The following BST1 variants were observed in gnomAD, a reference collection of about 807,000 sequenced individuals.
BST1 encodes ADP-ribosyl cyclase/cyclic ADP-ribose hydrolase 2.
In BST1, 49 loss-of-function variants were observed where a neutral mutation model predicts 40.6. That is an observed-to-expected ratio of 1.21 (90% CI 0.96 to 1.53). The LOEUF (loss-of-function observed/expected upper bound fraction) is 1.53, where lower values mean the gene tolerates loss of function less well. Among genes scored for constraint, BST1 ranks in the 40% most tolerant of loss-of-function variants. The pLI is 0.00. For missense variants in BST1, 423 were observed against 395.9 expected (o/e 1.07, Z -0.58); for synonymous variants, 157 against 159.3 (o/e 0.99, Z 0.11).
chr4:15,756,753 C>A, the BST1 span, among the ~76,000 whole-genome samples: 3 of 152,094 alleles, frequency 2.0e-5, no homozygotes, highest in Non-Finnish European at 4.4e-5. Context: ...GAGTGCTATT[C>A]ACATTTTTCT....
chr4:15,716,143 C>T (rs778297948), intron 6 of BST1, among the ~76,000 whole-genome samples: 9 of 152,128 alleles, frequency 5.9e-5, no homozygotes, highest in Non-Finnish European at 1.3e-4. Flanking sequence ...AAAGCCCTCA[C>T]CACTGGTTCT....
downstream of BST1, among the ~76,000 whole-genome samples, chr4:15,739,980 G>GGA (rs1577606428): frequency 6.6e-6 from 1 of 151,378 alleles, no homozygotes; most frequent in Non-Finnish European, 1.5e-5. Flanking sequence ...AGGGAAGAAG[G>GGA]GAGAGAGAGA....
At chr4:15,704,745 C>T (rs963489493) in intron 1 of BST1, among the ~76,000 whole-genome samples, 2 of 152,122 alleles carry the variant, frequency 1.3e-5, no homozygotes, top group African/African-American at 2.4e-5. Flanking sequence ...TTCCTTGAGT[C>T]CAGTCCTTCC....
At chr4:15,756,224 C>G in the BST1 span, among the ~76,000 whole-genome samples, 1 of 152,144 alleles carries the variant, frequency 6.6e-6, no homozygotes, top group African/African-American at 2.4e-5. Flanking sequence ...AAGCTCTTCT[C>G]ATAAAAGAAA....
chr4:15,725,719 G>A (rs78999436), intron 8 of BST1, among the ~76,000 whole-genome samples: 4,664 of 152,170 alleles, frequency 0.031, 244 homozygotes, highest in East Asian at 0.26. Flanking sequence ...TGGAAACACC[G>A]TTTTGGCAGT....
the BST1 span, among the ~76,000 whole-genome samples, chr4:15,763,684 G>T: frequency 2.6e-5 from 4 of 151,988 alleles, no homozygotes; most frequent in Admixed American, 6.5e-5. Context: ...ACATTCTTCA[G>T]TTGGTAAATG....
At chr4:15,718,831 T>G in intron 6 of BST1, 76 bp from the exon 7 acceptor site, 2 of 1,277,378 alleles carry the variant, frequency 1.6e-6, no homozygotes, top group Non-Finnish European at 2.2e-6. Context: ...CAAAAGAAAT[T>G]ATGTTTAACC....
the BST1 span, among the ~76,000 whole-genome samples, chr4:15,744,969 T>G: frequency 3.3e-5 from 5 of 152,228 alleles, no homozygotes; most frequent in Admixed American, 2.6e-4. Context: ...TTTTTTCAGA[T>G]TTATTCCAAT....
At chr4:15,723,651 T>C in intron 8 of BST1, 2 of 957,002 alleles carry the variant, frequency 2.1e-6, no homozygotes, top group Non-Finnish European at 2.5e-6. Context: ...ATATAATCCT[T>C]GATTATATAC....
chr4:15,711,551 A>T (rs1720205438), intron 3 of BST1, among the ~76,000 whole-genome samples: 1 of 152,200 alleles, frequency 6.6e-6, no homozygotes, highest in Non-Finnish European at 1.5e-5. Flanking sequence ...CTCACTCACT[A>T]GCCAGCTATT....
chr4:15,709,860 A>C (rs1294456455), intron 3 of BST1, among the ~76,000 whole-genome samples: 1 of 152,246 alleles, frequency 6.6e-6, no homozygotes, highest in Non-Finnish European at 1.5e-5. Context: ...ATAAAAACAC[A>C]TATACACAAT....
At chr4:15,736,247 T>C (rs1324638618), downstream of BST1, 20 of 621,326 alleles carry the variant, frequency 3.2e-5, 1 homozygote, top group South Asian at 3.7e-4. Context: ...TACGCTAGGG[T>C]CCTGAGTGCA....
downstream of BST1, chr4:15,736,110 C>G (rs1721553291): frequency 7.8e-7 from 1 of 1,288,710 alleles, no homozygotes; most frequent in Non-Finnish European, 1.0e-6. Context: ...CATACAACCG[C>G]CGGTTCTAGC....
chr4:15,717,579 C>T (rs1240108677), intron 6 of BST1, among the ~76,000 whole-genome samples: 1 of 152,128 alleles, frequency 6.6e-6, no homozygotes, highest in Non-Finnish European at 1.5e-5. Flanking sequence ...CTATAAAAGC[C>T]TTAAAATGGA....
At chr4:15,764,830 C>T in the BST1 span, among the ~76,000 whole-genome samples, 1 of 151,266 alleles carries the variant, frequency 6.6e-6, no homozygotes, top group Non-Finnish European at 1.5e-5. Context: ...GGCTCAATGA[C>T]TGCTCATGGC....
At chr4:15,704,499 C>T (rs1209318634) in intron 1 of BST1, among the ~76,000 whole-genome samples, 2 of 141,756 alleles carry the variant, frequency 1.4e-5, no homozygotes, top group Non-Finnish European at 3.0e-5. Context: ...TGTGTGTAGT[C>T]TAGAGGTGAC....
chr4:15,726,899 C>T (rs928480727), intron 8 of BST1, among the ~76,000 whole-genome samples: 2 of 139,704 alleles, frequency 1.4e-5, no homozygotes, highest in Admixed American at 1.5e-4. Context: ...GAGATGGAGT[C>T]TCGCTCTGTT....
chr4:15,733,941 A>C (rs1184168787), downstream of BST1, among the ~76,000 whole-genome samples: 1 of 152,250 alleles, frequency 6.6e-6, no homozygotes, highest in South Asian at 2.1e-4. Context: ...AGTAAAAGCC[A>C]TGTTTACCAA....
At chr4:15,743,661 G>A in the BST1 span, 1 of 203,692 alleles carries the variant, frequency 4.9e-6, no homozygotes, top group Non-Finnish European at 1.0e-5. Flanking sequence ...CAGGGAAACA[G>A]TCTGTCTTCT....
Sources: gnomAD v4.1 joint callset for allele counts (sites outside exome capture counted in the v4.1 genomes callset) on GRCh38, gnomAD v4.1.1 for gene constraint, MANE v1.5 for transcripts, NCBI Gene and HGNC (gene_info 2026-07-23, HGNC 2026-07-21) for gene names.